Variants in DNAH2 observed in about 807,000 individuals in gnomAD.
DNAH2 encodes axonemal beta dynein heavy chain 2.
A neutral mutation model predicts 523.5 loss-of-function variants in DNAH2; 323 were observed. The ratio of observed to expected loss-of-function variants is 0.62; its 90% CI spans 0.56 to 0.68. DNAH2 has a LOEUF of 0.68. Ranked by LOEUF, DNAH2 falls within the 30% of genes least tolerant of loss-of-function variation. The pLI, the probability that DNAH2 is intolerant of heterozygous loss-of-function variation, is 0.00. For synonymous variants in DNAH2, 2,093 were observed against 2,177.4 expected, an observed-to-expected ratio of 0.96 and a Z score of 1.08; for missense variants, 4,907 against 5,701.5, an observed-to-expected ratio of 0.86 and a Z score of 4.49.
At chr17:7,736,172 G>T (rs1404746092) in intron 7 of DNAH2, among the ~76,000 whole-genome samples, 2 of 151,916 alleles carry the variant, frequency 1.3e-5, no homozygotes, top group Non-Finnish European at 2.9e-5. Flanking sequence ...ACCACACCTG[G>T]GCAATAAACA....
rs772971580 is a variant in DNAH2, at chr17:7,739,889, G to A, written c.1327G>A (p.Gly443Arg). The A allele has an allele frequency of 5.0e-6, 8 of 1,613,874 alleles. No homozygotes were observed. Among genetic ancestry groups the A allele is most frequent in the Admixed American group, 1.7e-5 (1 of 59,978 alleles). ...KNLHTLRAVRGGILDVKNTCW... is the reference protein window; with the variant it reads ...KNLHTLRAVRRGILDVKNTCW... ...TCTGCACACGCTGCGAGCCGTTCGCGGGGGTATCCTGGATGTCAAGAACAC... is the reference window on the plus strand; with the variant it reads ...TCTGCACACGCTGCGAGCCGTTCGCAGGGGTATCCTGGATGTCAAGAACAC... Residue 443 changes from glycine to arginine, a missense_variant, in exon 9 of 86, where the codon GGG (glycine) becomes AGG (arginine). Physicochemically the swap from Gly to Arg is moderately radical, Grantham distance 125 (BLOSUM62 -2). Coordinates refer to ENST00000572933, the MANE Select transcript of DNAH2 (RefSeq NM_020877.5).
chr17:7,759,238 C>T, intron 15 of DNAH2, 114 bp downstream of exon 15: 6 of 1,490,560 alleles, frequency 4.0e-6, no homozygotes, highest in Non-Finnish European at 5.4e-6. Context: ...GTGTACTTCT[C>T]AAACATCGTG....
intron 50 of DNAH2, among the ~76,000 whole-genome samples, chr17:7,796,950 A>AC (rs1248164220): frequency 6.7e-6 from 1 of 149,428 alleles, no homozygotes; most frequent in Non-Finnish European, 1.5e-5. Flanking sequence ...AAAAAAAAAA[A>AC]AATTAGCTGG....
At position 7,821,318 on chromosome 17, in the gene DNAH2, T is replaced by C. The variant is rs865971235; in HGVS notation, c.11091T>C (p.Thr3697=). Residue 3697 remains threonine, a synonymous_variant, in exon 73 of 86, where the codon ACT becomes ACC. Coordinates refer to ENST00000572933, the MANE Select transcript of DNAH2 (RefSeq NM_020877.5). The surrounding 1 kb of genome is among the most constrained non-coding windows in gnomAD (Gnocchi z 5.0). Reference sequence around the variant, plus strand: ...ATATGTGTGCCAAAATCTTGGAGACTTCTGGCAAGCTCAACATGGATGAAT... The same window carrying C: ...ATATGTGTGCCAAAATCTTGGAGACCTCTGGCAAGCTCAACATGGATGAAT... The part of the protein sequence containing the change: ...SFHMCAKILE[T]SGKLNMDEYN... The C allele has an allele frequency of 6.2e-7, 1 of 1,613,954 alleles. No homozygotes were observed. Among genetic ancestry groups the C allele is most frequent in the Admixed American group, 1.7e-5 (1 of 60,002 alleles).
intron 77 of DNAH2, among the ~76,000 whole-genome samples, chr17:7,827,988 G>A (rs1322504579): frequency 1.3e-5 from 2 of 152,018 alleles, no homozygotes; most frequent in African/African-American, 4.8e-5. Context: ...AGACTGGAGT[G>A]CACTGGCACC....
rs560043969 is a variant in DNAH2 at position 7,825,425 on chromosome 17, G to A, written c.11853+698G>A. ...AACAGATAAGAGCTGTTTGAATCAC[G>A]CATGGGTGCCTTTCATCATTATTAA... On this transcript the variant is annotated intron_variant, in intron 77 of 85. Transcript: ENST00000572933. Among the ~76,000 whole-genome samples the A allele has an allele frequency of 1.9e-4, 29 of 152,300 alleles. No individual in the cohort carries two copies. In the East Asian group the frequency reaches 4.1e-3, roughly 21 times the overall value.
chr17:7,760,031 A>G lies in DNAH2; in HGVS notation c.2785+93A>G, dbSNP rs978132050. The G allele has an allele frequency of 1.5e-5, 23 of 1,573,170 alleles. No homozygotes were observed. Among genetic ancestry groups the G allele is most frequent in the Non-Finnish European group, 1.6e-5 (18 of 1,150,600 alleles). The stretch of plus-strand genomic sequence containing the variant: ...GGAGAGACCAGGGCTATTTCCAGGC[A>G]TACTGGGCCAGTCACCTCCCTGACC... On this transcript the variant is annotated intron_variant, in intron 17 of 85. Coordinates refer to ENST00000572933, the MANE Select transcript of DNAH2 (RefSeq NM_020877.5). The surrounding 1 kb of genome is among the most constrained non-coding windows in gnomAD (Gnocchi z 4.0).
intron 77 of DNAH2, 122 bp from the exon 78 acceptor site, chr17:7,830,178 C>CA: frequency 9.7e-7 from 1 of 1,025,876 alleles, no homozygotes; most frequent in Non-Finnish European, 1.4e-6. Context: ...TTTCAGCCTC[C>CA]ACTCACCCTT....
At position 7,777,526 on chromosome 17, in the gene DNAH2, G is replaced by A; in HGVS notation, c.5139G>A (p.Val1713=). 1 of 1,614,182 alleles carries A rather than the reference G, an allele frequency of 6.2e-7. No individual in the cohort carries two copies. The highest frequency in any genetic ancestry group is 8.5e-7 in the Non-Finnish European group (1 of 1,180,030). Residue 1713 remains valine, a synonymous_variant, in exon 33 of 86, where the codon GTG becomes GTA. Transcript: ENST00000572933. ...KIMRLKIVAL[V]TIEIHARDVL... ...TGCGGCTTAAAATTGTGGCTCTGGTGACGATAGAAATTCATGCCCGGGATG... is the reference window on the plus strand; with the variant it reads ...TGCGGCTTAAAATTGTGGCTCTGGTAACGATAGAAATTCATGCCCGGGATG...
intron 24 of DNAH2, among the ~76,000 whole-genome samples, chr17:7,768,999 A>G (rs1344376156): frequency 1.3e-5 from 2 of 152,124 alleles, no homozygotes; most frequent in Non-Finnish European, 2.9e-5. Flanking sequence ...AATAGTGCTC[A>G]GCGAACATGT....
rs772686967 is a variant in DNAH2 at position 7,817,653 on chromosome 17, G to A, written c.10113G>A (p.Gly3371=). ...PTKVRDWNIQ[G]LPSDAFSTEN... is the part of the protein sequence containing the mutation. ...AAGTCCGGGACTGGAACATCCAAGG[G>A]TTGCCCTCAGACGCCTTCTCCACTG... is the stretch of plus-strand genomic sequence containing the variant. Residue 3371 remains glycine (G), a synonymous_variant, in exon 66 of 86, where the codon GGG becomes GGA. Transcript: ENST00000572933. 1 of 1,614,144 alleles carries A rather than the reference G, an allele frequency of 6.2e-7. No individual in the cohort carries two copies. The highest frequency in any genetic ancestry group is 8.5e-7 in the Non-Finnish European group (1 of 1,180,026).
chr17:7,740,336 G>A, intron 9 of DNAH2, 84 bp from the exon 10 acceptor site: 1 of 1,581,538 alleles, frequency 6.3e-7, no homozygotes, highest in South Asian at 1.2e-5. Flanking sequence ...TCTGTCCTCA[G>A]CAATGCATGG....
intron 36 of DNAH2, among the ~76,000 whole-genome samples, chr17:7,779,653 AGCCC>A (rs2076551014): frequency 6.6e-6 from 1 of 152,194 alleles, no homozygotes; most frequent in Non-Finnish European, 1.5e-5. Flanking sequence ...GTGTATATGT[AGCCC>A]TCATCTTTTA....
Position 7,797,796 on chromosome 17 carries a change from C to A in DNAH2, c.8197C>A (p.Gln2733Lys), listed in dbSNP as rs1398511720. The A allele has an allele frequency of 1.2e-6, 2 of 1,613,636 alleles. No homozygotes were observed. Among genetic ancestry groups the A allele is most frequent in the Non-Finnish European group, 1.7e-6 (2 of 1,179,768 alleles). Residue 2733 changes from glutamine (Q) to lysine (K), a missense_variant, in exon 53 of 86, where the codon CAG (glutamine) becomes AAG (lysine). Coordinates refer to ENST00000572933, the MANE Select transcript of DNAH2 (RefSeq NM_020877.5). ...YNLSPSVVPMQLVLFREAIEH... is the reference protein window; with the variant it reads ...YNLSPSVVPMKLVLFREAIEH... ...CCTGTCACCCTCTGTCGTGCCCATG[C>A]AGCTAGTGCTCTTCCGAGAGGCTAT...
intron 24 of DNAH2, among the ~76,000 whole-genome samples, chr17:7,769,058 G>A (rs1391886892): frequency 2.6e-5 from 4 of 152,280 alleles, no homozygotes; most frequent in South Asian, 2.1e-4. Context: ...GCACTGTCTC[G>A]GGTCATCCAG....
At chr17:7,755,991 C>A (rs2151188453) in intron 12 of DNAH2, among the ~76,000 whole-genome samples, 1 of 152,008 alleles carries the variant, frequency 6.6e-6, no homozygotes, top group African/African-American at 2.4e-5. Context: ...AATCCCAGCA[C>A]TTTGGGTGCT....
intron 17 of DNAH2, 50 bp downstream of exon 17, chr17:7,759,988 G>A (rs776175224): frequency 2.6e-5 from 42 of 1,612,816 alleles, no homozygotes; most frequent in Non-Finnish European, 3.1e-5. Flanking sequence ...AGAGGCTGTC[G>A]AGTGGGCCAG....
chr17:7,741,421 G>T (rs1233277744), intron 11 of DNAH2, among the ~76,000 whole-genome samples: 1 of 149,174 alleles, frequency 6.7e-6, no homozygotes, highest in East Asian at 2.0e-4. Flanking sequence ...GCAATGGCTC[G>T]ATCTCAGCTC....
rs149847507 is a variant in DNAH2, at chr17:7,760,484, G to A, written c.2786-256G>A. On this transcript the variant is annotated intron_variant, in intron 17 of 85. Coordinates refer to ENST00000572933, the MANE Select transcript of DNAH2 (RefSeq NM_020877.5). The surrounding 1 kb of genome is among the most constrained non-coding windows in gnomAD (Gnocchi z 4.0). ...TGGGATGGGAGATGAGGAAAGACAA[G>A]CTTGGGACTGGGACTGGGACTGGCC... 1.0e-3 allele frequency among the ~76,000 whole-genome samples: 153 copies of A among 152,268 alleles called. 2 individuals carry two copies. Among genetic ancestry groups the A allele is most frequent in the African/African-American group, 3.6e-3 (150 of 41,534 alleles).
Sources: allele counts gnomAD v4.1 joint callset (sites outside exome capture counted in the v4.1 genomes callset), GRCh38; gene constraint gnomAD v4.1.1; non-coding constraint Gnocchi (gnomAD v3.1); transcripts MANE v1.5; gene names NCBI Gene and HGNC (gene_info 2026-07-23, HGNC 2026-07-21).